MCTP1: variants seen among roughly 807,000 people sequenced by gnomAD.
The protein encoded by MCTP1 is multiple C2 and transmembrane domain-containing protein 1.
Under a neutral mutation model 120.6 loss-of-function variants are expected in MCTP1, and 69 were observed. The observed-to-expected ratio is 0.57, with a 90% CI of 0.47 to 0.70. The LOEUF (loss-of-function observed/expected upper bound fraction) is 0.70, where lower values mean the gene tolerates loss of function less well. Ranked by LOEUF, MCTP1 falls within the 30% of genes least tolerant of loss-of-function variation. The pLI is 0.00. For missense variants in MCTP1, 1,203 were observed against 1,248.8 expected (o/e 0.96, Z 0.55); for synonymous variants, 529 against 493.1 (o/e 1.07, Z -0.96).
At chr5:95,123,850 C>A (rs1177388600) in intron 1 of MCTP1, among the ~76,000 whole-genome samples, 3 of 152,092 alleles carry the variant, frequency 2.0e-5, no homozygotes, top group Non-Finnish European at 4.4e-5. Context: ...GGGGTTTCAC[C>A]ATACTAGCCA....
At chr5:95,207,928 C>CGAGA (rs753843212) in intron 1 of MCTP1, among the ~76,000 whole-genome samples, 27,430 of 84,072 alleles carry the variant, frequency 0.33, 4,208 homozygotes, top group Middle Eastern at 0.46. Flanking sequence ...AATGAGCGGG[C>CGAGA]GAGAGAGAGA....
chr5:95,230,757 T>C (rs1023557767), intron 1 of MCTP1, among the ~76,000 whole-genome samples: 1 of 152,206 alleles, frequency 6.6e-6, no homozygotes, highest in Non-Finnish European at 1.5e-5. Flanking sequence ...AAGAAATACA[T>C]TTTCTGAAAA....
intron 1 of MCTP1, among the ~76,000 whole-genome samples, chr5:95,241,942 G>C (rs1756210360): frequency 6.6e-6 from 1 of 152,118 alleles, no homozygotes; most frequent in African/African-American, 2.4e-5. Context: ...CTCACTGAGT[G>C]AAAATAGGCA....
At chr5:95,008,257 C>T (rs189050067) in intron 2 of MCTP1, among the ~76,000 whole-genome samples, 7 of 152,186 alleles carry the variant, frequency 4.6e-5, no homozygotes, top group Non-Finnish European at 7.4e-5. Context: ...AGAAGGCCGC[C>T]CATTTCTGGA....
chr5:94,942,338 C>A lies in MCTP1; in HGVS notation c.1061+10G>T. 6.2e-7 allele frequency: 1 copy of A among 1,606,010 alleles called. No homozygotes were observed. The highest frequency in any genetic ancestry group is 1.1e-5 in the South Asian group (1 of 90,812). On this transcript the variant is annotated intron_variant, in intron 4 of 22. Transcript: ENST00000515393. ...AAGGGGTGGTGATATTACAGCAGTT[C>A]AAAAGTTACCTGTTTAACTCCAATT...
At position 95,284,588 on chromosome 5, in the gene MCTP1, G is replaced by GCTCCTCCTCTCCCCTC; in HGVS notation, c.-29_-14dup. 2 of 1,413,200 alleles carry GCTCCTCCTCTCCCCTC rather than the reference G, an allele frequency of 1.4e-6. No homozygotes were observed. The highest frequency in any genetic ancestry group is 9.1e-7 in the Non-Finnish European group (1 of 1,096,028). 87.5% of individuals were successfully genotyped at this position (1,413,200 alleles called of 1,614,324 possible). On this transcript the variant is annotated 5_prime_UTR_variant, in exon 1 of 23. Transcript: ENST00000515393. The surrounding 1 kb of genome is among the most constrained non-coding windows in gnomAD (Gnocchi z 5.2). ...CCCGGGGCTCCATCCTCCACCCCCTGCTCCTCCTCTCCCCTCCTCCTCCTC... is the reference window on the plus strand; with the variant it reads ...CCCGGGGCTCCATCCTCCACCCCCTGCTCCTCCTCTCCCCTCCTCCTCCTCTCCCCTCCTCCTCCTC...
At chr5:94,914,648 T>G (rs11135414) in intron 8 of MCTP1, among the ~76,000 whole-genome samples, 46,651 of 152,032 alleles carry the variant, frequency 0.31, 8,034 homozygotes, top group Non-Finnish European at 0.39. Context: ...CCTGTGAGCT[T>G]CAAGAGCAGC....
In MCTP1 at chr5:95,143,574, T is replaced by C. The variant is rs58392148; in HGVS notation, c.721-126090A>G. 6.5e-3 allele frequency among the ~76,000 whole-genome samples: 982 copies of C among 152,182 alleles called. 8 individuals carry two copies. Among genetic ancestry groups the C allele is most frequent in the African/African-American group, 0.023 (939 of 41,532 alleles). On this transcript the variant is annotated intron_variant, in intron 1 of 22. Transcript: ENST00000515393. The stretch of plus-strand genomic sequence containing the variant: ...TCCCCTCCCTCCCTTCCTCCTCTAA[T>C]AGTCACCAGTTTCTACCGTTTCCAT...
At chr5:95,232,899 G>A (rs1479543757) in intron 1 of MCTP1, among the ~76,000 whole-genome samples, 1 of 152,152 alleles carries the variant, frequency 6.6e-6, no homozygotes, top group Non-Finnish European at 1.5e-5. Flanking sequence ...TGTGGCCAGT[G>A]TACCTAAAGG....
chr5:94,744,308 T>C (rs1766357931), intron 19 of MCTP1, among the ~76,000 whole-genome samples: 1 of 152,202 alleles, frequency 6.6e-6, no homozygotes, highest in African/African-American at 2.4e-5. Flanking sequence ...TAAAATCCTG[T>C]CCACAGCTGA....
chr5:95,083,058 G>A (rs1163514378), intron 1 of MCTP1, among the ~76,000 whole-genome samples: 4 of 152,120 alleles, frequency 2.6e-5, no homozygotes, highest in African/African-American at 9.7e-5. Context: ...AAGAATGTAA[G>A]AAACCCGAGG....
intron 19 of MCTP1, among the ~76,000 whole-genome samples, chr5:94,740,324 C>G (rs1765227619): frequency 6.6e-6 from 1 of 152,178 alleles, no homozygotes; most frequent in Non-Finnish European, 1.5e-5. Context: ...TAACCAAACT[C>G]TCTCAATGCA....
At chr5:95,130,433 A>G (rs4869238) in intron 1 of MCTP1, among the ~76,000 whole-genome samples, 22,875 of 152,182 alleles carry the variant, frequency 0.15, 1,772 homozygotes, top group Middle Eastern at 0.23. Flanking sequence ...ACTGGCTTGT[A>G]TGTATGCTAG....
At chr5:94,742,840 A>T (rs1270742926) in intron 19 of MCTP1, among the ~76,000 whole-genome samples, 1 of 152,166 alleles carries the variant, frequency 6.6e-6, no homozygotes, top group African/African-American at 2.4e-5. Context: ...TACCTACTTC[A>T]GGCAATAATT....
At chr5:95,006,798 A>C (rs1260828249) in intron 2 of MCTP1, among the ~76,000 whole-genome samples, 1 of 152,208 alleles carries the variant, frequency 6.6e-6, no homozygotes, top group African/African-American at 2.4e-5. Context: ...CTTCTGATGA[A>C]CTTTAATGAA....
chr5:94,982,622 C>A (rs1246416229), intron 2 of MCTP1, among the ~76,000 whole-genome samples: 2 of 152,010 alleles, frequency 1.3e-5, no homozygotes, highest in African/African-American at 4.8e-5. Context: ...GAAAGATGGT[C>A]ACGCACCTGT....
At chr5:95,046,831 A>G (rs1744668284) in intron 1 of MCTP1, among the ~76,000 whole-genome samples, 1 of 152,148 alleles carries the variant, frequency 6.6e-6, no homozygotes, top group African/African-American at 2.4e-5. Flanking sequence ...GTGAATTCCT[A>G]GAGGCCAGGG....
At chr5:95,232,786 A>C (rs1489959731) in intron 1 of MCTP1, among the ~76,000 whole-genome samples, 2 of 152,248 alleles carry the variant, frequency 1.3e-5, no homozygotes, top group African/African-American at 4.8e-5. Context: ...TCATGCTAAT[A>C]CTAATCAAAA....
intron 1 of MCTP1, among the ~76,000 whole-genome samples, chr5:95,142,530 G>T (rs1007329793): frequency 3.3e-5 from 5 of 152,084 alleles, no homozygotes; most frequent in Admixed American, 3.3e-4. Context: ...CAAAAATCAC[G>T]ATTGTCTTTT....
Sources: allele counts gnomAD v4.1 joint callset (sites outside exome capture counted in the v4.1 genomes callset), GRCh38; gene constraint gnomAD v4.1.1; non-coding constraint Gnocchi (gnomAD v3.1); transcripts MANE v1.5; gene names NCBI Gene and HGNC (gene_info 2026-07-23, HGNC 2026-07-21).